Variants in DNAJA3 observed in about 807,000 individuals in gnomAD.
DNAJA3 encodes dnaJ homolog subfamily A member 3, mitochondrial.
In DNAJA3, 29 loss-of-function variants were observed where a neutral mutation model predicts 54.9. That is an observed-to-expected ratio of 0.53 (90% confidence interval 0.39 to 0.72). The LOEUF (loss-of-function observed/expected upper bound fraction) is 0.72, where lower values mean the gene tolerates loss of function less well. Among genes scored for constraint, DNAJA3 ranks in the 30% least tolerant of loss-of-function variants. The pLI is 0.00. For missense variants in DNAJA3, 708 were observed against 639.4 expected, an observed-to-expected ratio of 1.11 and a Z score of -1.16; for synonymous variants, 302 against 251.4, an observed-to-expected ratio of 1.20 and a Z score of -1.90.
Position 4,455,791 on chromosome 16 carries a change from GC to G in DNAJA3, c.*263del. On this transcript the variant is annotated 3_prime_UTR_variant, in exon 12 of 12. Coordinates refer to ENST00000262375, the MANE Select transcript of DNAJA3 (RefSeq NM_005147.6). ...GTTTCCTGTCCATTGGTAGGTGACG[GC>G]CCCTGGCTCAGGCAGAGGGAGATGG... The G allele has an allele frequency of 1.7e-6, 1 of 596,088 alleles. No homozygotes were observed. 36.9% of individuals were successfully genotyped at this position (596,088 alleles called of 1,614,324 possible).
intron 1 of DNAJA3, 93 bp from the exon 2 acceptor site, chr16:4,434,291 C>G: frequency 1.4e-6 from 2 of 1,403,896 alleles, no homozygotes; most frequent in East Asian, 2.3e-5. Flanking sequence ...TTTGTTTGTT[C>G]CTTCACAGAT....
intron 3 of DNAJA3, among the ~76,000 whole-genome samples, chr16:4,439,972 G>C (rs889735938): frequency 6.6e-6 from 1 of 151,912 alleles, no homozygotes; most frequent in Non-Finnish European, 1.5e-5. Flanking sequence ...TCACTTTGTT[G>C]CCCAGGCTGG....
At chr16:4,452,636 C>T (rs1380319824) in intron 10 of DNAJA3, among the ~76,000 whole-genome samples, 1 of 152,162 alleles carries the variant, frequency 6.6e-6, no homozygotes, top group Admixed American at 6.6e-5. Flanking sequence ...AGGCCGGATG[C>T]AGCGGCTCAC....
chr16:4,436,478 AC>A (rs980164671), intron 2 of DNAJA3, among the ~76,000 whole-genome samples: 3 of 152,264 alleles, frequency 2.0e-5, no homozygotes, highest in African/African-American at 7.2e-5. Context: ...TTATTTACCT[AC>A]AAAAATAATT....
At chr16:4,448,324 CT>C (rs929045975) in intron 8 of DNAJA3, among the ~76,000 whole-genome samples, 33 of 149,068 alleles carry the variant, frequency 2.2e-4, no homozygotes, top group East Asian at 7.9e-4. Context: ...TGCGCCCGGC[CT>C]TTTTTTTTAC....
chr16:4,427,536 C>T (rs1190204339), intron 1 of DNAJA3, among the ~76,000 whole-genome samples: 4 of 152,140 alleles, frequency 2.6e-5, no homozygotes, highest in Non-Finnish European at 4.4e-5. Flanking sequence ...TTAACCCCTT[C>T]GAGCACCTGT....
chr16:4,440,298 T>A (rs2056822853), intron 3 of DNAJA3: 1 of 151,916 alleles, frequency 6.6e-6, no homozygotes, highest in South Asian at 2.1e-4. Context: ...AAAAAAAAGA[T>A]ACAAAGTGAG....
chr16:4,455,715 G>A lies in DNAJA3; in HGVS notation c.*183G>A. On this transcript the variant is annotated 3_prime_UTR_variant, in exon 12 of 12. Coordinates refer to ENST00000262375, the MANE Select transcript of DNAJA3 (RefSeq NM_005147.6). The stretch of plus-strand genomic sequence containing the variant: ...GGACAACACCTCTCTCCACGGAAAG[G>A]TCACAGTGGACAGCCCGGGCAGTAG... 2 of 918,380 alleles carry A rather than the reference G, an allele frequency of 2.2e-6. No homozygotes were observed. Among genetic ancestry groups the A allele is most frequent in the South Asian group, 3.0e-5 (2 of 65,848 alleles). 56.9% of individuals were successfully genotyped at this position (918,380 alleles called of 1,614,324 possible). A position where few individuals can be genotyped will look rare whatever the true frequency, so the allele number is the denominator to read the frequency against.
chr16:4,428,155 G>A (rs2056648123), intron 1 of DNAJA3, among the ~76,000 whole-genome samples: 1 of 152,032 alleles, frequency 6.6e-6, no homozygotes, highest in Non-Finnish European at 1.5e-5. Flanking sequence ...GTTTCACCGT[G>A]TTAGCCAAGA....
chr16:4,425,939 C>T lies in DNAJA3; in HGVS notation c.58C>T (p.Pro20Ser). 3 of 1,559,276 alleles carry T rather than the reference C, an allele frequency of 1.9e-6. No individual in the cohort carries two copies. Among genetic ancestry groups the T allele is most frequent in the Non-Finnish European group, 2.6e-6 (3 of 1,153,904 alleles). The change falls in exon 1 of 12, where the codon CCG (proline) becomes TCG (serine). Residue 20 changes from proline (P) to serine (S), a missense_variant. By Grantham distance (74) the Pro-to-Ser change is moderately conservative. Coordinates refer to ENST00000262375, the MANE Select transcript of DNAJA3 (RefSeq NM_005147.6). ...GGTGGTTGTGGGGACCCCGCGGCTG[C>T]CGGCTATATCGGGTAGAGGGGCCCG... The part of the protein sequence containing the change: ...LLVVVGTPRL[P>S]AISGRGARPP...
chr16:4,455,753 G>C lies in DNAJA3; in HGVS notation c.*221G>C. The C allele has an allele frequency of 1.5e-6, 1 of 650,218 alleles. No individual in the cohort carries two copies. Among genetic ancestry groups the C allele is most frequent in the Non-Finnish European group, 2.7e-6 (1 of 374,906 alleles). 40.3% of individuals were successfully genotyped at this position (650,218 alleles called of 1,614,324 possible). ...GCCCGGGCAGTAGGATGCAGCCCCA[G>C]AGGCTGGTGGCAGTTTCCTGTCCAT... On this transcript the variant is annotated 3_prime_UTR_variant, in exon 12 of 12. Coordinates refer to ENST00000262375, the MANE Select transcript of DNAJA3 (RefSeq NM_005147.6).
At chr16:4,440,286 A>G (rs1169001656) in intron 3 of DNAJA3, 1 of 152,022 alleles carries the variant, frequency 6.6e-6, no homozygotes, top group African/African-American at 2.4e-5. Flanking sequence ...AGACAAACAC[A>G]TAAAAAAAAG....
chr16:4,434,857 T>G (rs1032920852), intron 2 of DNAJA3, among the ~76,000 whole-genome samples: 4 of 151,532 alleles, frequency 2.6e-5, no homozygotes, highest in Non-Finnish European at 2.9e-5. Context: ...GATAAAAGTT[T>G]AGAGGTTTAG....
At position 4,448,810 on chromosome 16, in the gene DNAJA3, C is replaced by T. The variant is rs778848053; in HGVS notation, c.1203C>T (p.Tyr401=). 5.0e-5 allele frequency: 80 copies of T among 1,613,918 alleles called. No homozygotes were observed. Among genetic ancestry groups the T allele is most frequent in the South Asian group, 5.5e-5 (5 of 91,066 alleles). Residue 401 remains tyrosine, a synonymous_variant, in exon 9 of 12, where the codon TAC becomes TAT. Coordinates refer to ENST00000262375, the MANE Select transcript of DNAJA3 (RefSeq NM_005147.6). ...KGIPRINSYG[Y]GDHYIHIKIR... The stretch of plus-strand genomic sequence containing the variant: ...TCCCCCGGATTAACAGCTACGGCTA[C>T]GGAGACCACTACATCCACATCAAGA...
At position 4,447,034 on chromosome 16, in the gene DNAJA3, C is replaced by T; in HGVS notation, c.1125+20C>T. The T allele has an allele frequency of 6.2e-7, 1 of 1,610,480 alleles. No individual in the cohort carries two copies. Among genetic ancestry groups the T allele is most frequent in the Non-Finnish European group, 8.5e-7 (1 of 1,178,574 alleles). On this transcript the variant is annotated intron_variant, in intron 8 of 11. Transcript: ENST00000262375. ...GTGACGGTAAGAGGGTGTGAGAACA[C>T]CTTTGTCACCCCTGTACTTTATTGC...
chr16:4,453,639 C>T (rs1264706081), intron 10 of DNAJA3, among the ~76,000 whole-genome samples: 3 of 151,910 alleles, frequency 2.0e-5, no homozygotes, highest in South Asian at 2.1e-4. Flanking sequence ...TCACCATGTT[C>T]GAGGCCGGTC....
intron 3 of DNAJA3, among the ~76,000 whole-genome samples, chr16:4,440,036 C>T (rs2056820215): frequency 6.6e-6 from 1 of 152,080 alleles, no homozygotes; most frequent in Non-Finnish European, 1.5e-5. Flanking sequence ...CCTCCGTGCT[C>T]AAGCAATCCT....
chr16:4,426,212 C>G (rs1336986576), intron 1 of DNAJA3, 120 bp downstream of exon 1: 30 of 1,126,526 alleles, frequency 2.7e-5, no homozygotes, highest in Non-Finnish European at 1.3e-5. Context: ...CGCGGATGCA[C>G]AATTGCCGGA....
In DNAJA3 at chr16:4,441,369, C is replaced by T. The variant is rs1352347853; in HGVS notation, c.430-6C>T. 4 of 1,609,210 alleles carry T rather than the reference C, an allele frequency of 2.5e-6. No individual in the cohort carries two copies. The African/African-American group carries it at 4.0e-5, about 16-fold the overall frequency. ...GGATGCCCAGTGGCTCTGCCTTTCA[C>T]TGTAGGTTTTGAGTGATGAGGTGAA... is the stretch of plus-strand genomic sequence containing the variant. On this transcript the variant is annotated splice_region_variant and splice_polypyrimidine_tract_variant and intron_variant, in intron 3 of 11. Coordinates refer to ENST00000262375, the MANE Select transcript of DNAJA3 (RefSeq NM_005147.6).
Sources: gnomAD v4.1 joint callset for allele counts (sites outside exome capture counted in the v4.1 genomes callset) on GRCh38, gnomAD v4.1.1 for gene constraint, MANE v1.5 for transcripts, NCBI Gene and HGNC (gene_info 2026-07-23, HGNC 2026-07-21) for gene names.